VEZT: variants seen among roughly 807,000 people sequenced by gnomAD.
VEZT encodes the protein vezatin, adherens junctions transmembrane protein.
Under a neutral mutation model 79.9 loss-of-function variants are expected in VEZT, and 39 were observed. The ratio of observed to expected loss-of-function variants is 0.49; its 90% confidence interval spans 0.38 to 0.64. VEZT has a LOEUF of 0.64. Ranked by LOEUF, VEZT falls within the 30% of genes least tolerant of loss-of-function variation. The pLI is 0.00. For synonymous variants in VEZT, 325 were observed against 327.6 expected (o/e 0.99, Z 0.09); for missense variants, 837 against 893.1 (o/e 0.94, Z 0.80).
chr12:95,266,351 TC>T lies in VEZT; in HGVS notation c.435-3del. 6.2e-7 allele frequency: 1 copy of T among 1,605,106 alleles called. No homozygotes were observed. Among genetic ancestry groups the T allele is most frequent in the Non-Finnish European group, 8.5e-7 (1 of 1,173,550 alleles). On this transcript the variant is annotated splice_polypyrimidine_tract_variant and splice_region_variant and intron_variant, in intron 4 of 11. Coordinates refer to ENST00000436874, the MANE Select transcript of VEZT (RefSeq NM_017599.4). ...GCATATCATTTTCTTCCTTTCTTGT[TC>T]CCAGGGATCTCTCAATGCTATTTGC...
chr12:95,239,948 AAGAGAG>A (rs140000740), intron 1 of VEZT, among the ~76,000 whole-genome samples: 7,679 of 119,914 alleles, frequency 0.064, 499 homozygotes, highest in East Asian at 0.32. Flanking sequence ...GGAGACTCGA[AAGAGAG>A]AGAGAGAGAG....
At chr12:95,252,942 G>A (rs1410347581) in intron 2 of VEZT, among the ~76,000 whole-genome samples, 1 of 152,098 alleles carries the variant, frequency 6.6e-6, no homozygotes, top group African/African-American at 2.4e-5. Flanking sequence ...TCCAGCCTGG[G>A]CAACAAGAGC....
intron 1 of VEZT, among the ~76,000 whole-genome samples, chr12:95,235,004 C>T (rs1207811500): frequency 1.3e-5 from 2 of 151,898 alleles, no homozygotes; most frequent in African/African-American, 4.8e-5. Flanking sequence ...GATCCCAAGG[C>T]AGAAGAATTT....
intron 1 of VEZT, among the ~76,000 whole-genome samples, chr12:95,233,993 T>C (rs954483766): frequency 2.0e-5 from 3 of 152,192 alleles, no homozygotes; most frequent in East Asian, 1.9e-4. Context: ...CCACTAATAG[T>C]GTATGATGTA....
chr12:95,282,708 G>A lies in VEZT; in HGVS notation c.1328+64G>A, dbSNP rs374799085. 1.5e-3 allele frequency: 2,171 copies of A among 1,402,760 alleles called. 14 individuals carry two copies. The Middle Eastern group carries it at 0.026, about 17-fold the overall frequency. The allele number at this position is 1,402,760 out of a possible 1,614,324, so 86.9% of individuals were successfully genotyped here. On this transcript the variant is annotated intron_variant, in intron 8 of 11. Transcript: ENST00000436874. ...TAGCAAGCTTCATTCGTGTACCATT[G>A]TGGTTGTTGGCTTGTGTCCTACCTA...
At chr12:95,243,097 GC>G (rs1345094572) in intron 1 of VEZT, among the ~76,000 whole-genome samples, 4 of 152,064 alleles carry the variant, frequency 2.6e-5, no homozygotes, top group African/African-American at 7.2e-5. Context: ...CCATGGCCAG[GC>G]CTGGTGGCTT....
chr12:95,229,561 T>C (rs2058956573), intron 1 of VEZT, among the ~76,000 whole-genome samples: 1 of 152,220 alleles, frequency 6.6e-6, no homozygotes, highest in African/African-American at 2.4e-5. Flanking sequence ...GGAAACTATC[T>C]AGTGGGTTGA....
intron 8 of VEZT, among the ~76,000 whole-genome samples, chr12:95,283,491 G>A (rs1471542934): frequency 6.6e-6 from 1 of 152,148 alleles, no homozygotes; most frequent in Non-Finnish European, 1.5e-5. Flanking sequence ...TTGACCCTGG[G>A]ATACAAGGCA....
rs1257366995 is a variant in VEZT, at chr12:95,300,939, C to G, written c.*266C>G. 4.0e-6 allele frequency: 1 copy of G among 249,988 alleles called. No individual in the cohort carries two copies. Among genetic ancestry groups the G allele is most frequent in the African/African-American group, 2.2e-5 (1 of 44,824 alleles). 15.5% of individuals were successfully genotyped at this position (249,988 alleles called of 1,614,324 possible). On this transcript the variant is annotated 3_prime_UTR_variant, in exon 12 of 12. Transcript: ENST00000436874. ...GCACAACTGATCAATCTTGGAAATT[C>G]TTTAAGTATTTTTAATAAGAAATGA...
intron 1 of VEZT, among the ~76,000 whole-genome samples, chr12:95,224,818 C>T (rs1377802930): frequency 3.9e-5 from 6 of 152,326 alleles, no homozygotes; most frequent in East Asian, 1.9e-4. Context: ...GGACTTGTTT[C>T]GTGGAAGACA....
At chr12:95,266,330 A>G (rs1214205050) in intron 4 of VEZT, 27 bp from the exon 5 acceptor site, 3 of 1,592,276 alleles carry the variant, frequency 1.9e-6, no homozygotes, top group Non-Finnish European at 2.6e-6. Context: ...TCTGATGCAT[A>G]TCATTTTCTT....
At chr12:95,252,097 G>A (rs2062699570) in intron 2 of VEZT, 26 bp downstream of exon 2, 1 of 1,592,300 alleles carries the variant, frequency 6.3e-7, no homozygotes, top group Non-Finnish European at 8.5e-7. Flanking sequence ...CATTCTTTCT[G>A]GCCGAATCTT....
chr12:95,260,161 A>G (rs573094359), intron 3 of VEZT, among the ~76,000 whole-genome samples: 3 of 137,416 alleles, frequency 2.2e-5, no homozygotes, highest in African/African-American at 8.4e-5. Context: ...GCTGCAGTAC[A>G]GTGGCACCAT....
At chr12:95,236,899 T>C (rs1450392403) in intron 1 of VEZT, among the ~76,000 whole-genome samples, 2 of 152,214 alleles carry the variant, frequency 1.3e-5, no homozygotes, top group Non-Finnish European at 2.9e-5. Context: ...TACTGAATTC[T>C]TACATGTGAA....
chr12:95,240,073 G>GAAGGAAGGA (rs1491323550), intron 1 of VEZT, among the ~76,000 whole-genome samples: 4 of 98,902 alleles, frequency 4.0e-5, no homozygotes, highest in Non-Finnish European at 9.4e-5. Flanking sequence ...AGGAAGGAAG[G>GAAGGAAGGA]AAGAAAAGAA....
chr12:95,257,303 A>T (rs2063622589), intron 3 of VEZT, 64 bp downstream of exon 3: 3 of 1,297,224 alleles, frequency 2.3e-6, no homozygotes, highest in Non-Finnish European at 2.1e-6. Context: ...TAATTGGTGA[A>T]TCAGAATTTG....
intron 7 of VEZT, among the ~76,000 whole-genome samples, chr12:95,276,259 C>CTTTTTTTTTTTTTTTTTTT (rs35034660): frequency 2.4e-4 from 18 of 75,152 alleles, no homozygotes; most frequent in South Asian, 5.8e-4. Context: ...TAATTTTTTT[C>CTTTTTTTTTTTTTTTTTTT]TTTTTTTTTT....
intron 1 of VEZT, among the ~76,000 whole-genome samples, chr12:95,240,054 AAGGAAGGAAGGAAGG>A (rs1566040594): frequency 1.8e-4 from 25 of 138,826 alleles, no homozygotes; most frequent in African/African-American, 6.8e-4. Context: ...GGAAGGAAGG[AAGGAAGGAAGGAAGG>A]AAGGAAGAAA....
chr12:95,231,631 GATTA>G (rs1410170874), intron 1 of VEZT: 2 of 152,060 alleles, frequency 1.3e-5, no homozygotes, highest in Non-Finnish European at 2.9e-5. Flanking sequence ...TTACTTTGCT[GATTA>G]ATTAATTAAT....
Sources: gnomAD v4.1 joint callset for allele counts (sites outside exome capture counted in the v4.1 genomes callset) on GRCh38, gnomAD v4.1.1 for gene constraint, MANE v1.5 for transcripts, NCBI Gene and HGNC (gene_info 2026-07-23, HGNC 2026-07-21) for gene names.